The following PLSCR2 variants were observed in gnomAD, a reference collection of about 807,000 sequenced individuals.
PLSCR2 encodes the protein phospholipid scramblase 2.
In PLSCR2, 18 loss-of-function variants were observed where a neutral mutation model predicts 25.3. The observed-to-expected ratio is 0.71, with a 90% CI of 0.49 to 1.06. PLSCR2 has a LOEUF of 1.06. Ranked by LOEUF, PLSCR2 falls within the 50% of genes least tolerant of loss-of-function variation. PLSCR2 has a pLI of 0.00. For synonymous variants in PLSCR2, 88 were observed against 87.3 expected (o/e 1.01, Z -0.04); for missense variants, 243 against 269.5 (o/e 0.90, Z 0.69).
chr3:146,419,117 CTCT>C (rs1294370624), intron 2 of PLSCR2, among the ~76,000 whole-genome samples: 5 of 151,986 alleles, frequency 3.3e-5, no homozygotes, highest in East Asian at 3.9e-4. Flanking sequence ...TTTTCTCTCT[CTCT>C]TCTTTTTTAT....
chr3:146,455,514 T>C lies in PLSCR2; in HGVS notation c.101-55A>G. 3 of 1,013,506 alleles carry C rather than the reference T, an allele frequency of 3.0e-6. No individual in the cohort carries two copies. In the South Asian group the frequency reaches 4.0e-5, roughly 14 times the overall value. The allele number at this position is 1,013,506 out of a possible 1,614,324, so 62.8% of individuals were successfully genotyped here. ...TACGTTAAAATGATTGAACCTATCTTAAGATATTATATCTAGCTAGTTTTA... is the reference window on the plus strand; with the variant it reads ...TACGTTAAAATGATTGAACCTATCTCAAGATATTATATCTAGCTAGTTTTA... On this transcript the variant is annotated intron_variant, in intron 3 of 6. Transcript: ENST00000610787.
intron 1 of PLSCR2, among the ~76,000 whole-genome samples, chr3:146,480,003 A>AT (rs768176742): frequency 6.6e-6 from 1 of 152,230 alleles, no homozygotes; most frequent in African/African-American, 2.4e-5. Context: ...AAATAACAAA[A>AT]TGAAGGCAAA....
rs1560066124 is a variant in PLSCR2 at position 146,493,782 on chromosome 3, C to CT, written c.-293+2112_-293+2113insA. Among the ~76,000 whole-genome samples the CT allele has an allele frequency of 4.2e-4, 22 of 51,928 alleles. No homozygotes were observed. The East Asian group carries it at 9.4e-3, about 22-fold the overall frequency. The allele number at this position is 51,928 out of a possible 152,430, so 34.1% of individuals were successfully genotyped here. A position where few individuals can be genotyped will look rare whatever the true frequency, so the allele number is the denominator to read the frequency against. ...CTTTCTGTTTTTCAGTCCAAGGTGG[C>CT]GTTTTTTTTTTTTTTTTTTTTTTTT... On this transcript the variant is annotated intron_variant, in intron 1 of 8. Coordinates refer to the PLSCR2 transcript ENST00000336685.
chr3:146,438,995 T>G (rs372624628), downstream of PLSCR2, among the ~76,000 whole-genome samples: 1 of 152,176 alleles, frequency 6.6e-6, no homozygotes, highest in Non-Finnish European at 1.5e-5. Flanking sequence ...CTCAGCATTT[T>G]CTTGTCTGTA....
chr3:146,414,004 A>G (rs961316571), intron 2 of PLSCR2, among the ~76,000 whole-genome samples: 14 of 35,798 alleles, frequency 3.9e-4, no homozygotes, highest in Admixed American at 2.6e-3. Context: ...AAGTCCAAGA[A>G]GGTGGAAGGT....
chr3:146,495,824 G>C (rs2043728301), intron 1 of PLSCR2: 1 of 1,181,406 alleles, frequency 8.5e-7, no homozygotes, highest in African/African-American at 1.5e-5. Flanking sequence ...AAACAAAAGG[G>C]AGTATGTAGT....
At chr3:146,423,364 C>G (rs936133595) in intron 2 of PLSCR2, among the ~76,000 whole-genome samples, 2 of 148,998 alleles carry the variant, frequency 1.3e-5, no homozygotes, top group South Asian at 2.2e-4. Flanking sequence ...AATTGATAAC[C>G]TTTTCTACTT....
chr3:146,434,588 T>C (rs532139376), intron 8 of PLSCR2, among the ~76,000 whole-genome samples: 121 of 152,084 alleles, frequency 8.0e-4, no homozygotes, highest in African/African-American at 2.8e-3. Context: ...TTATAGATCC[T>C]TAATATATAC....
intron 2 of PLSCR2, among the ~76,000 whole-genome samples, chr3:146,414,699 T>A (rs1006317089): frequency 6.6e-6 from 1 of 152,228 alleles, no homozygotes; most frequent in Admixed American, 6.5e-5. Flanking sequence ...AGTTAAATTC[T>A]AAAGGACAGT....
chr3:146,421,796 C>T (rs1393221384), intron 2 of PLSCR2, among the ~76,000 whole-genome samples: 1 of 152,100 alleles, frequency 6.6e-6, no homozygotes, highest in African/African-American at 2.4e-5. Flanking sequence ...AAATGGGGAC[C>T]TTTGGGCCAA....
rs144825610 is a variant in PLSCR2 at position 146,449,343 on chromosome 3, C to G, written c.508G>C (p.Val170Leu). ...CAGTGCTTAGAAATCCTGCCAACCACAATTTGTTCATCAAGAGATGTAATC... is the reference window on the plus strand; with the variant it reads ...CAGTGCTTAGAAATCCTGCCAACCAGAATTTGTTCATCAAGAGATGTAATC... Residue 170 changes from valine (V) to leucine (L), a missense_variant, in exon 6 of 7, where the codon GTG becomes CTG. Physicochemically the swap from Val to Leu is conservative, Grantham distance 32. Coordinates refer to ENST00000610787, the Ensembl canonical transcript of PLSCR2. The G allele has an allele frequency of 2.6e-6, 4 of 1,558,390 alleles. No homozygotes were observed. In the African/African-American group the frequency reaches 5.6e-5, roughly 22 times the overall value.
chr3:146,442,009 A>G (rs370351020), intron 6 of PLSCR2, among the ~76,000 whole-genome samples, 188 bp from the exon 7 acceptor site: 1 of 152,096 alleles, frequency 6.6e-6, no homozygotes, highest in East Asian at 1.9e-4. Flanking sequence ...TTTAATAGAA[A>G]TTAAATCCTA....
downstream of PLSCR2, among the ~76,000 whole-genome samples, chr3:146,431,948 G>T (rs767769135): frequency 2.1e-4 from 31 of 150,612 alleles, no homozygotes; most frequent in Non-Finnish European, 3.8e-4. Flanking sequence ...ATCCTATTAG[G>T]TGGTACTTGA....
chr3:146,488,627 C>T (rs1375113551), intron 1 of PLSCR2, among the ~76,000 whole-genome samples: 2 of 152,004 alleles, frequency 1.3e-5, no homozygotes. Context: ...CAATGAGATA[C>T]CATCTCATGC....
chr3:146,442,717 G>A (rs2040324535), intron 6 of PLSCR2, among the ~76,000 whole-genome samples: 1 of 151,940 alleles, frequency 6.6e-6, no homozygotes, highest in Admixed American at 6.6e-5. Context: ...GGAAAGGACA[G>A]TACCCTTAAA....
Position 146,450,934 on chromosome 3 carries a change from C to A in PLSCR2, c.484-1567G>T, listed in dbSNP as rs1398646510. ...TAAATAATGACATGCATATACAGAT[C>A]ATTATAAAGTCTAGATAATTTTTAT... On this transcript the variant is annotated intron_variant, in intron 5 of 6. Coordinates refer to ENST00000610787, the Ensembl canonical transcript of PLSCR2. Among the ~76,000 whole-genome samples the A allele has an allele frequency of 4.0e-5, 6 of 151,364 alleles. No individual in the cohort carries two copies. The East Asian group carries it at 1.2e-3, about 29-fold the overall frequency.
rs540826695 is a variant in PLSCR2 at position 146,406,196 on chromosome 3, G to A, written c.101-10275C>T. Among the ~76,000 whole-genome samples, 414 of 152,294 alleles carry A rather than the reference G, an allele frequency of 2.7e-3. 2 individuals carry two copies. The highest frequency in any genetic ancestry group is 9.4e-3 in the African/African-American group (392 of 41,556). ...TGTGGTTGATCTCTTAGAGCAGGCC[G>A]CTAAAGTTACACCTGTCTAATCAGG... On this transcript the variant is annotated intron_variant and NMD_transcript_variant, in intron 2 of 3. Transcript: ENST00000463633.
chr3:146,481,635 G>A (rs891868756), intron 1 of PLSCR2, among the ~76,000 whole-genome samples: 2 of 152,172 alleles, frequency 1.3e-5, no homozygotes, highest in Non-Finnish European at 2.9e-5. Flanking sequence ...AATCAGTATT[G>A]TGAAAATGGC....
intron 1 of PLSCR2, among the ~76,000 whole-genome samples, chr3:146,483,926 G>A (rs539453): frequency 3.3e-5 from 5 of 151,528 alleles, no homozygotes; most frequent in Admixed American, 2.6e-4. Context: ...CACAGAACTC[G>A]GTGAAGGCTG....
Sources: gnomAD v4.1 joint callset for allele counts (sites outside exome capture counted in the v4.1 genomes callset) on GRCh38, gnomAD v4.1.1 for gene constraint, MANE v1.5 for transcripts, NCBI Gene and HGNC (gene_info 2026-07-23, HGNC 2026-07-21) for gene names.